The following CADPS variants were observed in gnomAD, a reference collection of about 807,000 sequenced individuals.
The protein encoded by CADPS is calcium dependent secretion activator.
Under a neutral mutation model 167.3 loss-of-function variants are expected in CADPS, and 57 were observed. The ratio of observed to expected loss-of-function variants is 0.34; its 90% CI spans 0.28 to 0.42. The LOEUF (loss-of-function observed/expected upper bound fraction) is 0.42, where lower values mean the gene tolerates loss of function less well. CADPS is among the 20% of genes least tolerant of loss of function. CADPS has a pLI of 1.00. For missense variants in CADPS, 1,414 were observed against 1,738.1 expected (o/e 0.81, Z 3.32); for synonymous variants, 676 against 635.3 (o/e 1.06, Z -0.96).
At chr3:62,560,454 T>C (rs999836312) in intron 9 of CADPS, among the ~76,000 whole-genome samples, 1 of 152,220 alleles carries the variant, frequency 6.6e-6, no homozygotes, top group African/African-American at 2.4e-5. Context: ...CTGGAATGCA[T>C]GTTAGAAGTG....
intron 13 of CADPS, among the ~76,000 whole-genome samples, chr3:62,520,287 G>C (rs17066509): frequency 0.017 from 2,657 of 152,276 alleles, 69 homozygotes; most frequent in African/African-American, 0.059. Flanking sequence ...CTTTGTGTCT[G>C]AGATGATAAA....
rs558942567 is a variant in CADPS, at chr3:62,484,390, C to G, written c.3027-2521G>C. On this transcript the variant is annotated intron_variant, in intron 21 of 29. Transcript: ENST00000383710. The stretch of plus-strand genomic sequence containing the variant: ...CTTAGTTCCAATCAGGCTCCTGGAA[C>G]TGCTGATGACTATAATGAATTATTA... Among the ~76,000 whole-genome samples, 6 of 152,256 alleles carry G rather than the reference C, an allele frequency of 3.9e-5. 1 individual carries two copies. Among genetic ancestry groups the G allele is most frequent in the African/African-American group, 1.4e-4 (6 of 41,552 alleles).
At chr3:62,589,003 G>A (rs985569534) in intron 7 of CADPS, among the ~76,000 whole-genome samples, 1 of 151,824 alleles carries the variant, frequency 6.6e-6, no homozygotes, top group Admixed American at 6.6e-5. Flanking sequence ...GGATACGAGG[G>A]TGAGATAGAA....
In CADPS at chr3:62,874,952, C is replaced by A; in HGVS notation, c.78G>T (p.Ser26=). ...EEESGKEVLG[S]APSGARLSPS... ...GAGACAGGCGCGCGCCGGACGGGGC[C>A]GAGCCGAGCACCTCCTTGCCGCTCT... The change falls in exon 1 of 30, where the codon TCG becomes TCT. Residue 26 remains serine, a synonymous_variant. Coordinates refer to ENST00000383710, the MANE Select transcript of CADPS (RefSeq NM_003716.4). The surrounding 1 kb of genome is among the most constrained non-coding windows in gnomAD (Gnocchi z 7.1). The A allele has an allele frequency of 2.5e-6, 4 of 1,570,062 alleles. No individual in the cohort carries two copies. Among genetic ancestry groups the A allele is most frequent in the Non-Finnish European group, 3.4e-6 (4 of 1,160,876 alleles).
intron 1 of CADPS, among the ~76,000 whole-genome samples, chr3:62,873,610 T>A (rs548505954): frequency 1.5e-5 from 2 of 133,936 alleles, no homozygotes; most frequent in South Asian, 2.6e-4. Context: ...CTGATAGAAA[T>A]AGGCGCCTTT....
chr3:62,676,590 G>A (rs2076365793), intron 3 of CADPS, among the ~76,000 whole-genome samples: 1 of 152,108 alleles, frequency 6.6e-6, no homozygotes, highest in African/African-American at 2.4e-5. Context: ...TCTTCCAGAA[G>A]TTGAAAGGAC....
At chr3:62,668,738 T>C (rs902036651) in intron 3 of CADPS, among the ~76,000 whole-genome samples, 6 of 152,274 alleles carry the variant, frequency 3.9e-5, no homozygotes, top group Admixed American at 2.6e-4. Context: ...TCTGGATCCC[T>C]GGCACCTACT....
intron 3 of CADPS, among the ~76,000 whole-genome samples, chr3:62,713,804 T>A (rs2083872047): frequency 6.6e-6 from 1 of 152,128 alleles, no homozygotes; most frequent in African/African-American, 2.4e-5. Context: ...CCAGCCCTGG[T>A]CAGTGTCACT....
At chr3:62,829,028 T>C (rs765433946) in intron 1 of CADPS, among the ~76,000 whole-genome samples, 76 of 152,172 alleles carry the variant, frequency 5.0e-4, no homozygotes, top group Admixed American at 9.2e-4. Context: ...CTAGGGCTAA[T>C]TATCCAAGAA....
chr3:62,418,324 C>CTTTTTTTTTTT (rs1227861106), intron 28 of CADPS, among the ~76,000 whole-genome samples: 5 of 115,062 alleles, frequency 4.3e-5, no homozygotes, highest in Non-Finnish European at 8.7e-5. Context: ...TTTTTTCTCT[C>CTTTTTTTTTTT]TTTTTTTTTT....
At chr3:62,781,050 A>C (rs1463072807) in intron 1 of CADPS, among the ~76,000 whole-genome samples, 1 of 152,190 alleles carries the variant, frequency 6.6e-6, no homozygotes, top group Non-Finnish European at 1.5e-5. Context: ...AATTTGCTTC[A>C]TTATCTGTGA....
chr3:62,450,671 A>G lies in CADPS; in HGVS notation c.3637-4874T>C, dbSNP rs115989342. On this transcript the variant is annotated intron_variant, in intron 26 of 29. Transcript: ENST00000383710. Reference sequence around the variant, plus strand: ...TAGAAAAAGAGACACAAATCCAGAGAGGCTGACGGAGGCTAAGGATAAAAT... The same window carrying G: ...TAGAAAAAGAGACACAAATCCAGAGGGGCTGACGGAGGCTAAGGATAAAAT... Among the ~76,000 whole-genome samples, 1,465 of 152,348 alleles carry G rather than the reference A, an allele frequency of 9.6e-3. 26 individuals carry two copies. The highest frequency in any genetic ancestry group is 0.034 in the African/African-American group (1,395 of 41,576).
chr3:62,691,236 A>C (rs1028349345), intron 3 of CADPS, among the ~76,000 whole-genome samples: 1 of 152,098 alleles, frequency 6.6e-6, no homozygotes, highest in Non-Finnish European at 1.5e-5. Context: ...ATATCATGTC[A>C]TGATGGTAGA....
At chr3:62,722,636 C>A (rs1291957499) in intron 3 of CADPS, among the ~76,000 whole-genome samples, 1 of 152,342 alleles carries the variant, frequency 6.6e-6, no homozygotes, top group Middle Eastern at 3.4e-3. Context: ...TAAACAGCTT[C>A]TTTTCTGGCA....
chr3:62,459,901 C>T (rs771033687), intron 26 of CADPS, among the ~76,000 whole-genome samples: 8 of 152,158 alleles, frequency 5.3e-5, no homozygotes, highest in Non-Finnish European at 1.0e-4. Context: ...TTCAGTACTA[C>T]GGTAAAATAG....
intron 3 of CADPS, among the ~76,000 whole-genome samples, chr3:62,700,079 A>G (rs1274403214): frequency 2.6e-5 from 4 of 152,096 alleles, no homozygotes; most frequent in Non-Finnish European, 5.9e-5. Flanking sequence ...CTACCATGCT[A>G]TGGATCTAAG....
intron 24 of CADPS, among the ~76,000 whole-genome samples, chr3:62,469,168 C>G (rs1263463575): frequency 6.6e-6 from 1 of 152,100 alleles, no homozygotes; most frequent in Non-Finnish European, 1.5e-5. Context: ...TATCATGTAG[C>G]AAAGAGGTAA....
rs752990997 is a variant in CADPS, at chr3:62,478,218, G to C, written c.3329+43C>G. On this transcript the variant is annotated intron_variant, in intron 23 of 29. Coordinates refer to ENST00000383710, the MANE Select transcript of CADPS (RefSeq NM_003716.4). This position sits in a 1 kb window ranked among gnomAD's most constrained non-coding sequence, Gnocchi z 5.7. ...TCTACCCTTCCCTGAGTCTGTGTATGGTGGGGAGGGTGTGCAGAACCTGTC... is the reference window on the plus strand; with the variant it reads ...TCTACCCTTCCCTGAGTCTGTGTATCGTGGGGAGGGTGTGCAGAACCTGTC... The C allele has an allele frequency of 6.2e-6, 10 of 1,602,162 alleles. No individual in the cohort carries two copies. The South Asian group carries it at 1.1e-4, about 18-fold the overall frequency.
At chr3:62,437,159 A>G (rs576507353) in intron 28 of CADPS, among the ~76,000 whole-genome samples, 1 of 152,106 alleles carries the variant, frequency 6.6e-6, no homozygotes, top group Non-Finnish European at 1.5e-5. Context: ...ACGTTTCACA[A>G]GACAGAAGTA....
Sources: allele counts gnomAD v4.1 joint callset (sites outside exome capture counted in the v4.1 genomes callset), GRCh38; gene constraint gnomAD v4.1.1; non-coding constraint Gnocchi (gnomAD v3.1); transcripts MANE v1.5; gene names NCBI Gene and HGNC (gene_info 2026-07-23, HGNC 2026-07-21).